Variants in RASGRF2 observed in about 807,000 individuals in gnomAD.
RASGRF2 encodes the protein Ras protein specific guanine nucleotide releasing factor 2, also known as ras-specific guanine nucleotide-releasing factor 2.
RASGRF2 carries 76 observed loss-of-function variants against 151.0 expected under a neutral mutation model. The ratio of observed to expected loss-of-function variants is 0.50; its 90% CI spans 0.42 to 0.61. The LOEUF (loss-of-function observed/expected upper bound fraction) is 0.61, where lower values mean the gene tolerates loss of function less well. RASGRF2 is among the 20% of genes least tolerant of loss of function. The pLI is 0.00. For synonymous variants in RASGRF2, 504 were observed against 566.5 expected, an observed-to-expected ratio of 0.89 and a Z score of 1.57; for missense variants, 1,148 against 1,564.6, an observed-to-expected ratio of 0.73 and a Z score of 4.49.
intron 17 of RASGRF2, among the ~76,000 whole-genome samples, chr5:81,142,143 G>A (rs1183146391): frequency 6.6e-6 from 1 of 152,176 alleles, no homozygotes; most frequent in Non-Finnish European, 1.5e-5. Context: ...TTCAAAATCA[G>A]AAGCTTAATA....
At chr5:81,112,982 A>T in intron 14 of RASGRF2, 124 bp downstream of exon 14, 1 of 1,265,898 alleles carries the variant, frequency 7.9e-7, no homozygotes, top group South Asian at 1.4e-5. Context: ...TTGCCTCTGA[A>T]TGTACCATGC....
At chr5:81,190,180 T>TA (rs1378443068) in intron 18 of RASGRF2, among the ~76,000 whole-genome samples, 3 of 152,180 alleles carry the variant, frequency 2.0e-5, no homozygotes, top group Non-Finnish European at 4.4e-5. Context: ...CCAAATGAAA[T>TA]AGAGAATGCT....
intron 1 of RASGRF2, among the ~76,000 whole-genome samples, chr5:81,019,060 CA>C (rs2112332446): frequency 6.6e-6 from 1 of 152,346 alleles, no homozygotes; most frequent in Admixed American, 6.5e-5. Flanking sequence ...CTCGGCCTCC[CA>C]AAGTGCTGGT....
intron 8 of RASGRF2, among the ~76,000 whole-genome samples, chr5:81,086,120 G>A (rs1263570772): frequency 1.3e-5 from 2 of 152,006 alleles, no homozygotes; most frequent in Non-Finnish European, 2.9e-5. Flanking sequence ...CTTGGAAAAT[G>A]TTCTTATAGC....
Position 81,030,228 on chromosome 5 carries a change from A to G in RASGRF2, c.289-12649A>G, listed in dbSNP as rs959846446. ...GGAACCAAGTTGGAAAACACTCTTCAGGGTATTATCCAGGAGAACTTCCCC... is the reference window on the plus strand; with the variant it reads ...GGAACCAAGTTGGAAAACACTCTTCGGGGTATTATCCAGGAGAACTTCCCC... On this transcript the variant is annotated intron_variant, in intron 1 of 26. Transcript: ENST00000265080. Among the ~76,000 whole-genome samples, 3 of 152,242 alleles carry G rather than the reference A, an allele frequency of 2.0e-5. No individual in the cohort carries two copies. In the South Asian group the frequency reaches 6.2e-4, roughly 31 times the overall value.
chr5:81,126,166 A>C (rs188971262), intron 16 of RASGRF2, among the ~76,000 whole-genome samples: 27 of 152,378 alleles, frequency 1.8e-4, no homozygotes, highest in Admixed American at 1.4e-3. Flanking sequence ...GAGGAGAAGC[A>C]GCGAGCTTGG....
chr5:81,195,470 A>C (rs13186267), intron 18 of RASGRF2, among the ~76,000 whole-genome samples: 2 of 152,180 alleles, frequency 1.3e-5, no homozygotes, highest in African/African-American at 2.4e-5. Flanking sequence ...CTTTTGAATG[A>C]CCAATTCTGT....
Position 81,217,371 on chromosome 5 carries a change from A to G in RASGRF2, c.3450A>G (p.Ala1150=), listed in dbSNP as rs754121151. 2 of 1,611,200 alleles carry G rather than the reference A, an allele frequency of 1.2e-6. No individual in the cohort carries two copies. Among genetic ancestry groups the G allele is most frequent in the East Asian group, 2.2e-5 (1 of 44,698 alleles). The change falls in exon 25 of 27, where the codon GCA becomes GCG. Residue 1150 remains alanine (A), a synonymous_variant. Coordinates refer to ENST00000265080, the MANE Select transcript of RASGRF2 (RefSeq NM_006909.3). The part of the protein sequence containing the change: ...RETLKNCNPP[A]VPYLGMYLTD... ...GGTCTTGCAGTTGTAACCCTCCTGC[A>G]GTTCCTTATCTTGGGATGTACTTGA... is the stretch of plus-strand genomic sequence containing the variant.
intron 22 of RASGRF2, 34 bp downstream of exon 22, chr5:81,208,472 T>C: frequency 6.6e-7 from 1 of 1,514,500 alleles, no homozygotes; most frequent in Non-Finnish European, 9.0e-7. Context: ...CGTGGGCGTG[T>C]CACAAGAAGA....
intron 1 of RASGRF2, among the ~76,000 whole-genome samples, chr5:81,009,179 G>A (rs539242): frequency 0.31 from 47,209 of 152,090 alleles, 7,511 homozygotes; most frequent in Middle Eastern, 0.49. Context: ...GGCTCATGAC[G>A]AGAACTCGAT....
rs113222122 is a variant in RASGRF2 at position 81,098,047 on chromosome 5, G to A, written c.1755+3055G>A. Among the ~76,000 whole-genome samples, 569 of 152,328 alleles carry A rather than the reference G, an allele frequency of 3.7e-3. 9 individuals carry two copies. Among genetic ancestry groups the A allele is most frequent in the African/African-American group, 0.013 (541 of 41,584 alleles). ...ATAGTCCAGGCGAGAGATGTTGAGA[G>A]CCTAGGCCAGCATGGCAGGAGTGGA... On this transcript the variant is annotated intron_variant, in intron 12 of 26. Coordinates refer to ENST00000265080, the MANE Select transcript of RASGRF2 (RefSeq NM_006909.3).
At chr5:81,193,765 G>A (rs1034459425) in intron 18 of RASGRF2, among the ~76,000 whole-genome samples, 5 of 152,154 alleles carry the variant, frequency 3.3e-5, no homozygotes, top group South Asian at 4.1e-4. Flanking sequence ...AGATTCACCC[G>A]CCTCAGCCTC....
chr5:81,158,736 C>A (rs1238464167), intron 17 of RASGRF2, among the ~76,000 whole-genome samples: 1 of 152,058 alleles, frequency 6.6e-6, no homozygotes, highest in Non-Finnish European at 1.5e-5. Context: ...AAATTAAAAC[C>A]ACCATGATAT....
At chr5:81,042,537 A>T (rs1425303359) in intron 1 of RASGRF2, among the ~76,000 whole-genome samples, 1 of 152,232 alleles carries the variant, frequency 6.6e-6, no homozygotes, top group Admixed American at 6.5e-5. Context: ...TTATCACACC[A>T]CAAAAAAGGA....
intron 18 of RASGRF2, among the ~76,000 whole-genome samples, chr5:81,200,432 C>T (rs1338072998): frequency 1.3e-5 from 2 of 151,894 alleles, no homozygotes; most frequent in Non-Finnish European, 2.9e-5. Context: ...TCATATTGTC[C>T]CAACTTTCCC....
intron 2 of RASGRF2, among the ~76,000 whole-genome samples, chr5:81,055,124 C>T (rs1200359190): frequency 1.3e-5 from 2 of 152,180 alleles, no homozygotes; most frequent in African/African-American, 2.4e-5. Context: ...TTATTTCTTT[C>T]TCCCACCTGA....
intron 17 of RASGRF2, among the ~76,000 whole-genome samples, chr5:81,141,804 G>A (rs1228031106): frequency 2.0e-5 from 3 of 152,176 alleles, no homozygotes; most frequent in Non-Finnish European, 2.9e-5. Context: ...CCAGCAGTTA[G>A]CATTGAAGGA....
chr5:81,069,441 G>GT (rs1398234059), intron 3 of RASGRF2, among the ~76,000 whole-genome samples: 1 of 152,236 alleles, frequency 6.6e-6, no homozygotes, highest in Non-Finnish European at 1.5e-5. Flanking sequence ...CTTAGCCACT[G>GT]TAAGCTGGAG....
intron 1 of RASGRF2, among the ~76,000 whole-genome samples, chr5:80,975,948 G>C (rs1389471221): frequency 6.6e-6 from 1 of 151,090 alleles, no homozygotes; most frequent in Non-Finnish European, 1.5e-5. Context: ...AGGTTCAAGC[G>C]ATTCTCCTGC....
Sources: gnomAD v4.1 joint callset for allele counts (sites outside exome capture counted in the v4.1 genomes callset) on GRCh38, gnomAD v4.1.1 for gene constraint, MANE v1.5 for transcripts, NCBI Gene and HGNC (gene_info 2026-07-23, HGNC 2026-07-21) for gene names.